The following GAK variants were observed in gnomAD, a reference collection of about 807,000 sequenced individuals.
GAK encodes the protein cyclin G associated kinase.
GAK carries 79 observed loss-of-function variants against 143.9 expected under a neutral mutation model. The ratio of observed to expected loss-of-function variants is 0.55; its 90% confidence interval spans 0.46 to 0.66. The LOEUF is 0.66. GAK is among the 30% of genes least tolerant of loss of function. The pLI is 0.00. For missense variants in GAK, 1,693 were observed against 1,779.7 expected (o/e 0.95, Z 0.88); for synonymous variants, 881 against 765.5 (o/e 1.15, Z -2.49).
Position 904,704 on chromosome 4 carries a change from TAGA to T in GAK, c.455_457del (p.Phe152del), listed in dbSNP as rs749675553. 1.2e-6 allele frequency: 2 copies of T among 1,613,990 alleles called. No homozygotes were observed. Among genetic ancestry groups the T allele is most frequent in the Non-Finnish European group, 1.7e-6 (2 of 1,179,942 alleles). ...GTGCTGCACGGCGCGGCACGTCTGG[TAGA>T]AGATCTTCAGAACCGTGTCGCACGA... On this transcript the variant is annotated inframe_deletion, in exon 5 of 28. Transcript: ENST00000314167.
At chr4:852,643 C>T (rs1463170354) in intron 24 of GAK, 1 of 153,226 alleles carries the variant, frequency 6.5e-6, no homozygotes, top group Admixed American at 6.5e-5. Context: ...GGGATTTCAC[C>T]ATGTTAGCCA....
chr4:894,051 G>A (rs751403113), intron 7 of GAK, 42 bp from the exon 8 acceptor site: 28 of 1,512,504 alleles, frequency 1.9e-5, no homozygotes, highest in African/African-American at 1.5e-4. Context: ...CACGGGGAGC[G>A]CAGGGGTGAC....
Position 877,794 on chromosome 4 carries a change from C to T in GAK, c.1677G>A (p.Met559Ile). The change falls in exon 16 of 28, where the codon ATG (methionine) becomes ATA (isoleucine). Residue 559 changes from methionine (M) to isoleucine (I), a missense_variant. Coordinates refer to ENST00000314167, the MANE Select transcript of GAK (RefSeq NM_005255.4). ...WPSHKRYIEY[M>I]CDMVAEEPIT... ...TGGGCTCCTCCGCCACCATGTCACA[C>T]ATGTACTCGATGTACCTGGGGGCAG... 6.2e-7 allele frequency: 1 copy of T among 1,602,762 alleles called. No individual in the cohort carries two copies. The highest frequency in any genetic ancestry group is 8.5e-7 in the Non-Finnish European group (1 of 1,173,998).
intron 1 of GAK, among the ~76,000 whole-genome samples, chr4:920,721 T>G (rs907703477): frequency 1.3e-5 from 2 of 151,678 alleles, no homozygotes; most frequent in Non-Finnish European, 2.9e-5. Context: ...TTTTTGTATT[T>G]TTAGTAGAGA....
rs1318882928 is a variant in GAK at position 932,152 on chromosome 4, C to G, written c.36G>C (p.Ala12=). 6.3e-7 allele frequency: 1 copy of G among 1,583,790 alleles called. No individual in the cohort carries two copies. Among genetic ancestry groups the G allele is most frequent in the South Asian group, 1.1e-5 (1 of 87,550 alleles). Residue 12 remains alanine, a synonymous_variant, in exon 1 of 28, where the codon GCG becomes GCC. Coordinates refer to ENST00000314167, the MANE Select transcript of GAK (RefSeq NM_005255.4). The surrounding 1 kb of genome is among the most constrained non-coding windows in gnomAD (Gnocchi z 4.0). ...AAGCACCGCCCAGGGAGCCTGGACC[C>G]GCCAAGAAGTCGAGCGCCGACTGCA... ...SLLQSALDFL[A]GPGSLGGASG...
At chr4:864,204 T>C (rs1338051805) in intron 23 of GAK, among the ~76,000 whole-genome samples, 2 of 151,794 alleles carry the variant, frequency 1.3e-5, no homozygotes, top group Non-Finnish European at 2.9e-5. Flanking sequence ...ACAAAAAAAT[T>C]TTAAAACTTA....
At position 850,083 on chromosome 4, in the gene GAK, G is replaced by C; in HGVS notation, c.3658-15C>G. 2 of 1,549,258 alleles carry C rather than the reference G, an allele frequency of 1.3e-6. No homozygotes were observed. Among genetic ancestry groups the C allele is most frequent in the African/African-American group, 1.4e-5 (1 of 73,534 alleles). On this transcript the variant is annotated splice_polypyrimidine_tract_variant and intron_variant, in intron 26 of 27. Coordinates refer to ENST00000314167, the MANE Select transcript of GAK (RefSeq NM_005255.4). The stretch of plus-strand genomic sequence containing the variant: ...CAGTCCAGGAGCTGCGGGAGACACG[G>C]AGCTTGCCGAGCCCTGGGCACCTGC...
At chr4:866,596 G>A in intron 21 of GAK, 62 bp from the exon 22 acceptor site, 2 of 1,558,644 alleles carry the variant, frequency 1.3e-6, no homozygotes, top group Non-Finnish European at 1.7e-6. Context: ...AAGGAGCCCA[G>A]CTCTGGAGTC....
rs62295471 is a variant in GAK, at chr4:849,773, G to A, written c.3836C>T (p.Ala1279Val). Residue 1279 changes from alanine (A) to valine (V), a missense_variant and splice_region_variant, in exon 28 of 28, where the codon GCT becomes GTT. Ala to Val is a moderately conservative substitution (Grantham distance 64). This residue lies in a region of GAK where 822 missense variants were observed against 788.7 expected (regional missense o/e 1.04). Transcript: ENST00000314167. ...GTGCTGCTCGTACGGCTGCCCCGCAGCCTATGGGTGACAGGCGGTGTAAGC... is the reference window on the plus strand; with the variant it reads ...GTGCTGCTCGTACGGCTGCCCCGCAACCTATGGGTGACAGGCGGTGTAAGC... The part of the protein sequence containing the change: ...RAVLAVHPDK[A>V]AGQPYEQHAK... The A allele has an allele frequency of 3.7e-6, 6 of 1,611,948 alleles. No individual in the cohort carries two copies. Among genetic ancestry groups the A allele is most frequent in the Non-Finnish European group, 5.1e-6 (6 of 1,178,882 alleles).
At chr4:871,793 A>G (rs1378951315) in intron 18 of GAK, among the ~76,000 whole-genome samples, 1 of 152,130 alleles carries the variant, frequency 6.6e-6, no homozygotes, top group African/African-American at 2.4e-5. Flanking sequence ...TCCCAGCCCC[A>G]CAGCTCTCTA....
At chr4:925,200 T>C (rs191270115) in intron 1 of GAK, among the ~76,000 whole-genome samples, 1 of 152,042 alleles carries the variant, frequency 6.6e-6, no homozygotes, top group Non-Finnish European at 1.5e-5. Context: ...TTTAAACCCA[T>C]CAAAATGTCC....
chr4:901,012 CCTCT>C (rs1719768244), intron 5 of GAK, among the ~76,000 whole-genome samples: 1 of 152,172 alleles, frequency 6.6e-6, no homozygotes, highest in African/African-American at 2.4e-5. Flanking sequence ...CATTCTAGGC[CCTCT>C]GAGTTCAGGG....
intron 4 of GAK, among the ~76,000 whole-genome samples, chr4:909,804 T>C (rs2152929676): frequency 6.6e-6 from 1 of 152,232 alleles, no homozygotes; most frequent in Middle Eastern, 3.4e-3. Flanking sequence ...TGTGCTGCCT[T>C]CAACTTTTCC....
At chr4:911,652 C>T (rs1488735491) in intron 4 of GAK, 21 bp downstream of exon 4, 2 of 1,574,524 alleles carry the variant, frequency 1.3e-6, no homozygotes, top group African/African-American at 1.3e-5. Context: ...TGGCACCAAG[C>T]CGGCCTTCAC....
chr4:930,962 G>A (rs1050112656), intron 1 of GAK, among the ~76,000 whole-genome samples: 1 of 152,218 alleles, frequency 6.6e-6, no homozygotes, highest in Non-Finnish European at 1.5e-5. Flanking sequence ...GAGCTGGTGA[G>A]GGTGAGGGCT....
intron 13 of GAK, among the ~76,000 whole-genome samples, 183 bp downstream of exon 13, chr4:883,132 G>A (rs1290527783): frequency 2.0e-5 from 3 of 152,202 alleles, no homozygotes; most frequent in East Asian, 1.9e-4. Context: ...CCCGGCAAGC[G>A]GCATCCTCAG....
At chr4:907,742 G>A (rs557005072) in intron 4 of GAK, among the ~76,000 whole-genome samples, 2 of 152,306 alleles carry the variant, frequency 1.3e-5, no homozygotes, top group South Asian at 2.1e-4. Context: ...GCACGGGGGA[G>A]CCCACATCCC....
At chr4:896,386 C>A (rs1479154064) in intron 7 of GAK, 74 bp downstream of exon 7, 8 of 1,126,878 alleles carry the variant, frequency 7.1e-6, no homozygotes, top group Middle Eastern at 2.8e-4. Flanking sequence ...GTGGCAGGTG[C>A]CCGGCCCACG....
intron 5 of GAK, among the ~76,000 whole-genome samples, chr4:902,924 C>G (rs528011251): frequency 3.9e-5 from 6 of 152,226 alleles, no homozygotes; most frequent in African/African-American, 1.4e-4. Flanking sequence ...CTATAACAAA[C>G]ATTCAACTTC....
Sources: gnomAD v4.1 joint callset for allele counts (sites outside exome capture counted in the v4.1 genomes callset) on GRCh38, gnomAD v4.1.1 for gene constraint, gnomAD v4.1.1 regional missense constraint, Gnocchi (gnomAD v3.1) non-coding constraint, MANE v1.5 for transcripts, NCBI Gene and HGNC (gene_info 2026-07-23, HGNC 2026-07-21) for gene names.